Variants in TTC28 observed in about 807,000 individuals in gnomAD.
TTC28 encodes tetratricopeptide repeat protein 28.
A neutral mutation model predicts 198.0 loss-of-function variants in TTC28; 61 were observed. The observed-to-expected ratio is 0.31, with a 90% CI of 0.25 to 0.38. The LOEUF is 0.38. TTC28 is among the 10% of genes least tolerant of loss of function. TTC28 has a pLI of 1.00. For synonymous variants in TTC28, 1,171 were observed against 1,297.8 expected (o/e 0.90, Z 2.10); for missense variants, 2,678 against 3,164.0 (o/e 0.85, Z 3.69).
At chr22:28,224,777 C>A (rs1284521535) in intron 5 of TTC28, among the ~76,000 whole-genome samples, 1 of 152,142 alleles carries the variant, frequency 6.6e-6, no homozygotes, top group Admixed American at 6.5e-5. Context: ...GAACTTCTTG[C>A]CCCAGCATTC....
At chr22:28,009,745 C>G (rs1485292403) in intron 14 of TTC28, among the ~76,000 whole-genome samples, 2 of 152,246 alleles carry the variant, frequency 1.3e-5, no homozygotes, top group Non-Finnish European at 2.9e-5. Context: ...GCCCCTGGCC[C>G]AGATTTTCAC....
In TTC28 at chr22:28,030,355, C is replaced by G; in HGVS notation, c.3944G>C (p.Ser1315Thr). 6.4e-7 allele frequency: 1 copy of G among 1,551,846 alleles called. No individual in the cohort carries two copies. Among genetic ancestry groups the G allele is most frequent in the South Asian group, 1.2e-5 (1 of 84,054 alleles). Residue 1315 changes from serine to threonine, a missense_variant, in exon 13 of 23, where the codon AGC (serine) becomes ACC (threonine). Ser to Thr is a moderately conservative substitution (Grantham distance 58). Coordinates refer to ENST00000397906, the MANE Select transcript of TTC28 (RefSeq NM_001145418.2). ...VESHYSRACASSETESEAGDI... is the reference protein window; with the variant it reads ...VESHYSRACATSETESEAGDI... ...TCCCGCTTCACTCTCTGTCTCACTG[C>G]TGGCACAGGCCCTGCAGGAAAAATT...
chr22:28,280,396 G>A (rs1041110941), intron 5 of TTC28, among the ~76,000 whole-genome samples: 8 of 151,790 alleles, frequency 5.3e-5, no homozygotes, highest in Middle Eastern at 3.4e-3. Context: ...GCGCGACCTC[G>A]GCTCACTGTA....
intron 3 of TTC28, among the ~76,000 whole-genome samples, chr22:28,301,955 T>A (rs2045036264): frequency 6.6e-6 from 1 of 152,014 alleles, no homozygotes; most frequent in African/African-American, 2.4e-5. Context: ...AAGGATCACC[T>A]GAGCCCGGGA....
At chr22:28,274,625 T>C (rs1226714490) in intron 5 of TTC28, among the ~76,000 whole-genome samples, 1 of 152,160 alleles carries the variant, frequency 6.6e-6, no homozygotes, top group East Asian at 1.9e-4. Context: ...GAGAGAAAGA[T>C]TGTTTCTTAA....
chr22:28,374,580 G>T (rs1170779700), intron 2 of TTC28, among the ~76,000 whole-genome samples: 1 of 152,168 alleles, frequency 6.6e-6, no homozygotes, highest in Non-Finnish European at 1.5e-5. Flanking sequence ...CAGCTATTTA[G>T]CCTTGAGTTC....
chr22:28,162,061 A>T (rs1427205399), intron 6 of TTC28, among the ~76,000 whole-genome samples: 1 of 152,128 alleles, frequency 6.6e-6, no homozygotes, highest in Non-Finnish European at 1.5e-5. Flanking sequence ...TGCCAGGCAC[A>T]GGGATAAGTT....
chr22:28,409,418 C>T (rs1268400605), intron 2 of TTC28, among the ~76,000 whole-genome samples: 1 of 152,040 alleles, frequency 6.6e-6, no homozygotes, highest in Non-Finnish European at 1.5e-5. Context: ...ATCCTGAGAC[C>T]ATTCTAACTC....
chr22:28,354,417 C>A (rs1052757168), intron 2 of TTC28, among the ~76,000 whole-genome samples: 9 of 152,016 alleles, frequency 5.9e-5, no homozygotes, highest in African/African-American at 1.9e-4. Context: ...TAAAATAAAC[C>A]AGATACAAAA....
At chr22:28,272,760 C>T (rs933720970) in intron 5 of TTC28, among the ~76,000 whole-genome samples, 1 of 152,158 alleles carries the variant, frequency 6.6e-6, no homozygotes, top group Non-Finnish European at 1.5e-5. Flanking sequence ...CTTAGCAGAG[C>T]TTTCAGCAAT....
chr22:28,141,060 CAG>C (rs1943320348), intron 6 of TTC28, among the ~76,000 whole-genome samples: 1 of 151,396 alleles, frequency 6.6e-6, no homozygotes, highest in Admixed American at 6.6e-5. Flanking sequence ...GAAACACATT[CAG>C]AGAGACCCAA....
intron 2 of TTC28, among the ~76,000 whole-genome samples, chr22:28,504,212 TC>T (rs1038490272): frequency 6.6e-6 from 1 of 152,190 alleles, no homozygotes; most frequent in Non-Finnish European, 1.5e-5. Context: ...GTAACCTCTT[TC>T]AGGTATATCC....
chr22:28,326,338 G>A (rs1216111336), intron 2 of TTC28, among the ~76,000 whole-genome samples: 1 of 152,062 alleles, frequency 6.6e-6, no homozygotes, highest in Non-Finnish European at 1.5e-5. Context: ...GAACTGTTCT[G>A]TATCTTAAGT....
At chr22:28,335,431 T>C (rs2045695193) in intron 2 of TTC28, among the ~76,000 whole-genome samples, 1 of 152,238 alleles carries the variant, frequency 6.6e-6, no homozygotes, top group African/African-American at 2.4e-5. Flanking sequence ...ATTGAATCTA[T>C]AAATTACCTT....
At chr22:28,406,024 T>C (rs973282615) in intron 2 of TTC28, among the ~76,000 whole-genome samples, 3 of 152,236 alleles carry the variant, frequency 2.0e-5, no homozygotes, top group Non-Finnish European at 4.4e-5. Flanking sequence ...ACACCACCAA[T>C]TCCCCCTTGA....
At chr22:28,373,905 GA>G (rs901041826) in intron 2 of TTC28, among the ~76,000 whole-genome samples, 2 of 152,006 alleles carry the variant, frequency 1.3e-5, no homozygotes, top group South Asian at 4.1e-4. Context: ...CTATTTTTCA[GA>G]AAAAAATGGG....
chr22:28,634,505 C>CAAAAA (rs900765994), intron 1 of TTC28, among the ~76,000 whole-genome samples: 2 of 45,508 alleles, frequency 4.4e-5, no homozygotes, highest in Non-Finnish European at 4.8e-5. Flanking sequence ...GACTCCATCT[C>CAAAAA]AAAAAAAAAA....
At chr22:28,558,124 G>A (rs2049813340) in intron 2 of TTC28, among the ~76,000 whole-genome samples, 1 of 152,122 alleles carries the variant, frequency 6.6e-6, no homozygotes, top group South Asian at 2.1e-4. Context: ...GTTGTGAAAG[G>A]TTCCTATAAC....
At chr22:28,281,675 A>C (rs550593245) in intron 5 of TTC28, among the ~76,000 whole-genome samples, 1 of 152,328 alleles carries the variant, frequency 6.6e-6, no homozygotes, top group South Asian at 2.1e-4. Context: ...TGAATGATAC[A>C]CTGTATACAC....
Sources: allele counts gnomAD v4.1 joint callset (sites outside exome capture counted in the v4.1 genomes callset), GRCh38; gene constraint gnomAD v4.1.1; transcripts MANE v1.5; gene names NCBI Gene and HGNC (gene_info 2026-07-23, HGNC 2026-07-21).